The following DLGAP5 variants were observed in gnomAD, a reference collection of about 807,000 sequenced individuals.
DLGAP5 encodes disks large-associated protein 5.
In DLGAP5, 90 loss-of-function variants were observed where a neutral mutation model predicts 99.6. The observed-to-expected ratio is 0.90, with a 90% confidence interval of 0.76 to 1.08. The LOEUF is 1.08. DLGAP5 is among the 50% of genes least tolerant of loss of function. The pLI, the probability that DLGAP5 is intolerant of heterozygous loss-of-function variation, is 0.00. For missense variants in DLGAP5, 1,036 were observed against 983.5 expected (o/e 1.05, Z -0.71); for synonymous variants, 311 against 321.3 (o/e 0.97, Z 0.34).
intron 13 of DLGAP5, 59 bp from the exon 14 acceptor site, chr14:55,158,800 CAACA>C (rs1020917343): frequency 4.2e-6 from 5 of 1,203,656 alleles, no homozygotes; most frequent in Non-Finnish European, 4.8e-6. Context: ...GAAAAACACA[CAACA>C]AACACAAATT....
Position 55,170,360 on chromosome 14 carries a change from G to A in DLGAP5, c.1387+342C>T, listed in dbSNP as rs892648531. Among the ~76,000 whole-genome samples, 9 of 149,734 alleles carry A rather than the reference G, an allele frequency of 6.0e-5. No individual in the cohort carries two copies. The South Asian group carries it at 1.7e-3, about 28-fold the overall frequency. ...GTGTAAACAATATCAGATATCAATT[G>A]ATATCACCCATAAAGTCATATTTAA... is the stretch of plus-strand genomic sequence containing the variant. On this transcript the variant is annotated intron_variant, in intron 11 of 18. Coordinates refer to ENST00000247191, the MANE Select transcript of DLGAP5 (RefSeq NM_014750.5).
At chr14:55,187,134 G>A (rs1254925814) in intron 2 of DLGAP5, among the ~76,000 whole-genome samples, 2 of 151,914 alleles carry the variant, frequency 1.3e-5, no homozygotes, top group Non-Finnish European at 2.9e-5. Flanking sequence ...TTGATCTCTT[G>A]ACCTCGTGAT....
At chr14:55,170,508 T>G (rs889329987) in intron 11 of DLGAP5, among the ~76,000 whole-genome samples, 194 bp downstream of exon 11, 1 of 152,194 alleles carries the variant, frequency 6.6e-6, no homozygotes, top group Non-Finnish European at 1.5e-5. Flanking sequence ...AGCACAGATG[T>G]TAGGGAACAT....
intron 2 of DLGAP5, 47 bp from the exon 3 acceptor site, chr14:55,183,800 G>T: frequency 7.0e-7 from 1 of 1,423,126 alleles, no homozygotes; most frequent in Non-Finnish European, 9.3e-7. Context: ...AAACATTTCA[G>T]ATGAAAAGTT....
intron 2 of DLGAP5, among the ~76,000 whole-genome samples, chr14:55,187,092 G>C (rs1016222407): frequency 1.3e-5 from 2 of 152,014 alleles, no homozygotes; most frequent in Admixed American, 6.6e-5. Context: ...TTTTAGTAGA[G>C]ATGGGGTTTC....
intron 5 of DLGAP5, 114 bp downstream of exon 5, chr14:55,181,099 A>G: frequency 9.5e-7 from 1 of 1,052,824 alleles, no homozygotes; most frequent in Non-Finnish European, 1.4e-6. Context: ...TGGGCAACAG[A>G]GCAAGACTCT....
chr14:55,176,929 G>C, intron 8 of DLGAP5, 133 bp downstream of exon 8: 1 of 666,498 alleles, frequency 1.5e-6, no homozygotes, highest in African/African-American at 2.5e-5. Flanking sequence ...AGTGAGGGGA[G>C]ATCACGCCAC....
chr14:55,189,422 T>C (rs1469486337), intron 1 of DLGAP5, among the ~76,000 whole-genome samples: 2 of 151,906 alleles, frequency 1.3e-5, no homozygotes, highest in South Asian at 2.1e-4. Flanking sequence ...TAAGTGATAG[T>C]CCAGAATAAA....
At chr14:55,187,318 C>CAT (rs1883464971) in intron 2 of DLGAP5, among the ~76,000 whole-genome samples, 1 of 126,726 alleles carries the variant, frequency 7.9e-6, no homozygotes, top group African/African-American at 3.2e-5. Flanking sequence ...CAAAGTGATC[C>CAT]TTTTTTTTTT....
chr14:55,176,227 T>C (rs1047131620), intron 8 of DLGAP5, among the ~76,000 whole-genome samples: 2 of 152,334 alleles, frequency 1.3e-5, no homozygotes, highest in African/African-American at 4.8e-5. Context: ...TTCAAAGATT[T>C]TGAAGATTTC....
chr14:55,181,092 G>A, intron 5 of DLGAP5, 121 bp downstream of exon 5: 2 of 983,326 alleles, frequency 2.0e-6, no homozygotes, highest in East Asian at 2.6e-5. Flanking sequence ...TCCAACCTGG[G>A]CAACAGAGCA....
chr14:55,159,972 G>A (rs2140309609), intron 13 of DLGAP5, among the ~76,000 whole-genome samples: 1 of 152,236 alleles, frequency 6.6e-6, no homozygotes, highest in South Asian at 2.1e-4. Context: ...GGAGGCTGAG[G>A]CAGGAGGATC....
intron 7 of DLGAP5, among the ~76,000 whole-genome samples, chr14:55,179,134 T>A (rs1259629909): frequency 6.6e-6 from 1 of 152,194 alleles, no homozygotes; most frequent in Non-Finnish European, 1.5e-5. Flanking sequence ...TTTGAAGACC[T>A]TATTAGAAAC....
chr14:55,158,967 T>C (rs966635604), intron 13 of DLGAP5, among the ~76,000 whole-genome samples: 33 of 151,544 alleles, frequency 2.2e-4, no homozygotes, highest in African/African-American at 7.8e-4. Flanking sequence ...GTAGAAGATC[T>C]GGGAAGAATA....
chr14:55,171,540 C>T (rs533708581), intron 10 of DLGAP5, among the ~76,000 whole-genome samples: 117 of 152,266 alleles, frequency 7.7e-4, no homozygotes, highest in African/African-American at 2.7e-3. Flanking sequence ...AACGGCAAAG[C>T]CACTGTAGAA....
intron 7 of DLGAP5, among the ~76,000 whole-genome samples, 172 bp downstream of exon 7, chr14:55,179,457 A>C (rs1459422428): frequency 6.6e-6 from 1 of 152,228 alleles, no homozygotes; most frequent in Non-Finnish European, 1.5e-5. Context: ...AAAATAAGAT[A>C]CCTGAAAAAT....
rs1325031198 is a variant in DLGAP5 at position 55,160,521 on chromosome 14, C to A, written c.1654-1780G>T. 2.6e-5 allele frequency among the ~76,000 whole-genome samples: 4 copies of A among 151,794 alleles called. No individual in the cohort carries two copies. In the East Asian group the frequency reaches 5.9e-4, roughly 22 times the overall value. On this transcript the variant is annotated intron_variant, in intron 13 of 18. Coordinates refer to ENST00000247191, the MANE Select transcript of DLGAP5 (RefSeq NM_014750.5). ...GGAGTGCAGTGGCATGATCTCGGTT[C>A]AATGTAACCTCTGCCTCCCGGGTTC... is the stretch of plus-strand genomic sequence containing the variant.
At chr14:55,163,684 T>C (rs1370479250) in intron 12 of DLGAP5, among the ~76,000 whole-genome samples, 1 of 152,238 alleles carries the variant, frequency 6.6e-6, no homozygotes, top group Non-Finnish European at 1.5e-5. Flanking sequence ...TCCCCAGCAC[T>C]TGCTGTTGGC....
At chr14:55,150,675 AGAGT>A (rs146474046) in intron 18 of DLGAP5, 120 bp downstream of exon 18, 11,232 of 689,344 alleles carry the variant, frequency 0.016, 409 homozygotes, top group African/African-American at 0.12. Flanking sequence ...TGAAAAATGA[AGAGT>A]GAGTAAGCAA....
Sources: allele counts gnomAD v4.1 joint callset (sites outside exome capture counted in the v4.1 genomes callset), GRCh38; gene constraint gnomAD v4.1.1; transcripts MANE v1.5; gene names NCBI Gene and HGNC (gene_info 2026-07-23, HGNC 2026-07-21).